The following MYC variants were observed in gnomAD, a reference collection of about 807,000 sequenced individuals.
The protein encoded by MYC is myc proto-oncogene protein.
A neutral mutation model predicts 30.5 loss-of-function variants in MYC; 1 was observed. That is an observed-to-expected ratio of 0.03 (90% CI 0.01 to 0.16). The LOEUF is 0.16. Among genes scored for constraint, MYC ranks in the 10% least tolerant of loss-of-function variants. The probability of loss-of-function intolerance (pLI) is 1.00; values close to 1 mark genes in which losing one functional copy is unlikely to be tolerated. For missense variants in MYC, 508 were observed against 589.0 expected (o/e 0.86, Z 1.42); for synonymous variants, 267 against 250.7 (o/e 1.07, Z -0.62).
At position 127,740,753 on chromosome 8, in the gene MYC, G is replaced by T; in HGVS notation, c.1160G>T (p.Arg387Leu). The T allele has an allele frequency of 4.3e-6, 7 of 1,613,976 alleles. No individual in the cohort carries two copies. The highest frequency in any genetic ancestry group is 1.1e-5 in the South Asian group (1 of 91,074). ...CGCCAGAGGAGGAACGAGCTAAAAC[G>T]GAGCTTTTTTGCCCTGCGTGACCAG... Residue 387 changes from arginine to leucine, a missense_variant, in exon 3 of 3, where the codon CGG (arginine) becomes CTG (leucine). Coordinates refer to ENST00000621592, the MANE Select transcript of MYC (RefSeq NM_002467.6).
At chr8:127,736,067 A>T, upstream of MYC, 1 of 406,434 alleles carries the variant, frequency 2.5e-6, no homozygotes, top group Non-Finnish European at 4.3e-6. Context: ...TGGACGGCTG[A>T]GGACCCCCGA....
Position 127,738,847 on chromosome 8 carries a change from C to G in MYC, c.630C>G (p.Phe210Leu). Residue 210 changes from phenylalanine (F) to leucine (L), a missense_variant, in exon 2 of 3, where the codon TTC becomes TTG. Physicochemically the swap from Phe to Leu is conservative, Grantham distance 22. Transcript: ENST00000621592. This position sits in a 1 kb window ranked among gnomAD's most constrained non-coding sequence, Gnocchi z 7.6. Reference sequence around the variant, plus strand: ...AGTGCATCGACCCCTCGGTGGTCTTCCCCTACCCTCTCAACGACAGCAGCT... The same window carrying G: ...AGTGCATCGACCCCTCGGTGGTCTTGCCCTACCCTCTCAACGACAGCAGCT... 1 of 1,612,484 alleles carries G rather than the reference C, an allele frequency of 6.2e-7. No individual in the cohort carries two copies. Among genetic ancestry groups the G allele is most frequent in the Non-Finnish European group, 8.5e-7 (1 of 1,179,804 alleles).
rs2130095306 is a variant in MYC, at chr8:127,738,647, A to T, written c.430A>T (p.Ile144Phe). ...CGACGAGACCTTCATCAAAAACATC[A>T]TCATCCAGGACTGTATGTGGAGCGG... is the stretch of plus-strand genomic sequence containing the variant. The change falls in exon 2 of 3, where the codon ATC (isoleucine) becomes TTC (phenylalanine). Residue 144 changes from isoleucine (I) to phenylalanine (F), a missense_variant. Physicochemically the swap from Ile to Phe is conservative, Grantham distance 21. Around this residue, in one of 5 missense-constraint regions of MYC, gnomAD observed 364 missense variants for 381.1 expected, o/e 0.96. Coordinates refer to ENST00000621592, the MANE Select transcript of MYC (RefSeq NM_002467.6). This position sits in a 1 kb window ranked among gnomAD's most constrained non-coding sequence, Gnocchi z 7.6. The T allele has an allele frequency of 6.2e-7, 1 of 1,613,112 alleles. No individual in the cohort carries two copies. The highest frequency in any genetic ancestry group is 2.2e-5 in the East Asian group (1 of 44,852).
At position 127,740,378 on chromosome 8, in the gene MYC, C is replaced by A. The variant is rs1302868713; in HGVS notation, c.803-18C>A. On this transcript the variant is annotated intron_variant, in intron 2 of 2. Coordinates refer to ENST00000621592, the MANE Select transcript of MYC (RefSeq NM_002467.6). ...TGTAACCTTGCTAAAGGAGTGATTT[C>A]TATTTCCTTTCTTAAAGAGGAGGAA... 3.1e-6 allele frequency: 5 copies of A among 1,607,558 alleles called. No individual in the cohort carries two copies.
upstream of MYC, chr8:127,735,795 G>C (rs566465558): frequency 5.0e-6 from 2 of 399,274 alleles, no homozygotes; most frequent in African/African-American, 4.1e-5. Context: ...CGGAGGAGCA[G>C]CAGAGAAAGG....
At chr8:127,736,196 G>C (rs1233581573), upstream of MYC, 1 of 473,402 alleles carries the variant, frequency 2.1e-6, no homozygotes, top group South Asian at 5.0e-5. Flanking sequence ...GAGGGATCGC[G>C]CTGAGTATAA....
At chr8:127,739,067 T>C in intron 2 of MYC, 48 bp downstream of exon 2, 2 of 1,429,026 alleles carry the variant, frequency 1.4e-6, no homozygotes, top group Non-Finnish European at 1.8e-6. Context: ...GCTGGATACC[T>C]TTCCCATTTT....
chr8:127,738,114 C>G lies in MYC; in HGVS notation c.31-134C>G. The stretch of plus-strand genomic sequence containing the variant: ...TCCCTTTATTCCCCCACCAAGACCA[C>G]CCAGCCGCTTTAGGGGATAGCTCTG... On this transcript the variant is annotated intron_variant, in intron 1 of 2. Transcript: ENST00000621592. This position sits in a 1 kb window ranked among gnomAD's most constrained non-coding sequence, Gnocchi z 7.6. The G allele has an allele frequency of 9.0e-7, 1 of 1,116,444 alleles. No homozygotes were observed. The highest frequency in any genetic ancestry group is 1.3e-6 in the Non-Finnish European group (1 of 799,778). The allele number at this position is 1,116,444 out of a possible 1,614,324, so 69.2% of individuals were successfully genotyped here. A position where few individuals can be genotyped will look rare whatever the true frequency, so the allele number is the denominator to read the frequency against.
Position 127,742,864 on chromosome 8 carries a change from T to G in MYC, c.*1906T>G, listed in dbSNP as rs1007321773. ...TTGCTGTTCTAATTACCTCATTGTC[T>G]CAGTCTCAAAGTAGGTCTTCAGCTC... On this transcript the variant is annotated 3_prime_UTR_variant, in exon 3 of 3. Coordinates refer to ENST00000621592, the MANE Select transcript of MYC (RefSeq NM_002467.6). Among the ~76,000 whole-genome samples, 16 of 152,236 alleles carry G rather than the reference T, an allele frequency of 1.1e-4. No individual in the cohort carries two copies. Among genetic ancestry groups the G allele is most frequent in the African/African-American group, 3.6e-4 (15 of 41,460 alleles).
chr8:127,738,499 C>A lies in MYC; in HGVS notation c.282C>A (p.Pro94=). 1 of 1,609,096 alleles carries A rather than the reference C, an allele frequency of 6.2e-7. No homozygotes were observed. Among genetic ancestry groups the A allele is most frequent in the Non-Finnish European group, 8.5e-7 (1 of 1,177,066 alleles). The change falls in exon 2 of 3, where the codon CCC becomes CCA. Residue 94 remains proline (P), a synonymous_variant. Coordinates refer to ENST00000621592, the MANE Select transcript of MYC (RefSeq NM_002467.6). This position sits in a 1 kb window ranked among gnomAD's most constrained non-coding sequence, Gnocchi z 7.6. ...CGCCCTCCTACGTTGCGGTCACACC[C>A]TTCTCCCTTCGGGGAGACAACGACG...
In MYC at chr8:127,741,036, C is replaced by A; in HGVS notation, c.*78C>A. 1 of 1,289,356 alleles carries A rather than the reference C, an allele frequency of 7.8e-7. No individual in the cohort carries two copies. The highest frequency in any genetic ancestry group is 1.0e-6 in the Non-Finnish European group (1 of 958,360). The allele number at this position is 1,289,356 out of a possible 1,614,324, so 79.9% of individuals were successfully genotyped here. A position where few individuals can be genotyped will look rare whatever the true frequency, so the allele number is the denominator to read the frequency against. On this transcript the variant is annotated 3_prime_UTR_variant, in exon 3 of 3. Transcript: ENST00000621592. ...TATGAACTTGTTTCAAATGCATGAT[C>A]AAATGCAACCTCACAACCTTGGCTG...
rs1242050026 is a variant in MYC, at chr8:127,741,407, G to A, written c.*449G>A. On this transcript the variant is annotated 3_prime_UTR_variant, in exon 3 of 3. Coordinates refer to ENST00000621592, the MANE Select transcript of MYC (RefSeq NM_002467.6). ...GTTTTTAGAAAAAATAAAATAACTG[G>A]CAAATATATCATTGAGCCAAATCTT... The A allele has an allele frequency of 4.4e-6, 1 of 224,978 alleles. No individual in the cohort carries two copies. The highest frequency in any genetic ancestry group is 8.8e-6 in the Non-Finnish European group (1 of 113,048). 13.9% of individuals were successfully genotyped at this position (224,978 alleles called of 1,614,324 possible). A position where few individuals can be genotyped will look rare whatever the true frequency, so the allele number is the denominator to read the frequency against.
chr8:127,740,973 A>G lies in MYC; in HGVS notation c.*15A>G, dbSNP rs768701719. 1 of 1,532,178 alleles carries G rather than the reference A, an allele frequency of 6.5e-7. No homozygotes were observed. Among genetic ancestry groups the G allele is most frequent in the Non-Finnish European group, 8.7e-7 (1 of 1,145,140 alleles). The allele number at this position is 1,532,178 out of a possible 1,614,324, so 94.9% of individuals were successfully genotyped here. A position where few individuals can be genotyped will look rare whatever the true frequency, so the allele number is the denominator to read the frequency against. On this transcript the variant is annotated 3_prime_UTR_variant, in exon 3 of 3. Coordinates refer to ENST00000621592, the MANE Select transcript of MYC (RefSeq NM_002467.6). ...CTTGTGCGTAAGGAAAAGTAAGGAA[A>G]ACGATTCCTTCTAACAGAAATGTCC...
At position 127,740,617 on chromosome 8, in the gene MYC, T is replaced by C. The variant is rs552851405; in HGVS notation, c.1024T>C (p.Leu342=). The change falls in exon 3 of 3, where the codon TTG becomes CTG. Residue 342 remains leucine (L), a synonymous_variant. Transcript: ENST00000621592. ...CTATCCTGCTGCCAAGAGGGTCAAG[T>C]TGGACAGTGTCAGAGTCCTGAGACA... is the stretch of plus-strand genomic sequence containing the variant. 8.7e-6 allele frequency: 14 copies of C among 1,614,002 alleles called. No individual in the cohort carries two copies. In the East Asian group the frequency reaches 2.5e-4, roughly 28 times the overall value.
Position 127,740,954 on chromosome 8 carries a change from CGTAAGGAAAA to C in MYC, c.*7_*16del, listed in dbSNP as rs1327994073. On this transcript the variant is annotated stop_retained_variant and 3_prime_UTR_variant, in exon 3 of 3. Transcript: ENST00000621592. ...CTTGAACAGCTACGGAACTCTTGTG[CGTAAGGAAAA>C]GTAAGGAAAACGATTCCTTCTAACA... The C allele has an allele frequency of 6.4e-6, 10 of 1,552,316 alleles. No individual in the cohort carries two copies. Among genetic ancestry groups the C allele is most frequent in the African/African-American group, 5.5e-5 (4 of 72,146 alleles).
rs1414103970 is a variant in MYC, at chr8:127,738,769, C to G, written c.552C>G (p.Ser184Arg). The change falls in exon 2 of 3, where the codon AGC (serine) becomes AGG (arginine). Residue 184 changes from serine (S) to arginine (R), a missense_variant. Physicochemically the swap from Ser to Arg is moderately radical, Grantham distance 110. This residue lies in a region of MYC where 364 missense variants were observed against 381.1 expected (regional missense o/e 0.96). Transcript: ENST00000621592. This position sits in a 1 kb window ranked among gnomAD's most constrained non-coding sequence, Gnocchi z 7.6. Reference sequence around the variant, plus strand: ...GCCCGAACCCCGCCCGCGGCCACAGCGTCTGCTCCACCTCCAGCTTGTACC... The same window carrying G: ...GCCCGAACCCCGCCCGCGGCCACAGGGTCTGCTCCACCTCCAGCTTGTACC... 5.0e-6 allele frequency: 8 copies of G among 1,610,766 alleles called. No individual in the cohort carries two copies. Among genetic ancestry groups the G allele is most frequent in the Non-Finnish European group, 5.9e-6 (7 of 1,178,100 alleles).
Position 127,739,080 on chromosome 8 carries a change from T to C in MYC, c.802+61T>C, listed in dbSNP as rs4645962. On this transcript the variant is annotated intron_variant, in intron 2 of 2. Coordinates refer to ENST00000621592, the MANE Select transcript of MYC (RefSeq NM_002467.6). The stretch of plus-strand genomic sequence containing the variant: ...CGGCTGGATACCTTTCCCATTTTCA[T>C]TGGCAGCTTATTTAACGGGCCACTC... 5.8e-3 allele frequency: 8,128 copies of C among 1,411,290 alleles called. 161 individuals are homozygous for C. Among genetic ancestry groups the C allele is most frequent in the African/African-American group, 0.04 (2,745 of 69,284 alleles). The allele number at this position is 1,411,290 out of a possible 1,614,324, so 87.4% of individuals were successfully genotyped here.
intron 1 of MYC, 62 bp downstream of exon 1, chr8:127,736,685 G>A: frequency 1.3e-6 from 2 of 1,552,008 alleles, no homozygotes; most frequent in Non-Finnish European, 1.8e-6. Context: ...GCTGAGATGA[G>A]TCGAATGCCT....
chr8:127,742,714 T>C lies in MYC; in HGVS notation c.*1756T>C, dbSNP rs1344654504. Reference sequence around the variant, plus strand: ...GCTTCCATCCTTTTTTACATACTCATGACACATGCTCATCCTGAGTCCTTG... The same window carrying C: ...GCTTCCATCCTTTTTTACATACTCACGACACATGCTCATCCTGAGTCCTTG... On this transcript the variant is annotated 3_prime_UTR_variant, in exon 3 of 3. Transcript: ENST00000621592. Among the ~76,000 whole-genome samples, 1 of 152,230 alleles carries C rather than the reference T, an allele frequency of 6.6e-6. No homozygotes were observed. The highest frequency in any genetic ancestry group is 2.4e-5 in the African/African-American group (1 of 41,460).
Sources: allele counts gnomAD v4.1 joint callset (sites outside exome capture counted in the v4.1 genomes callset), GRCh38; gene constraint gnomAD v4.1.1; regional missense constraint gnomAD v4.1.1; non-coding constraint Gnocchi (gnomAD v3.1); transcripts MANE v1.5; gene names NCBI Gene and HGNC (gene_info 2026-07-23, HGNC 2026-07-21).